INSR: variants seen among roughly 807,000 people sequenced by gnomAD.
The protein encoded by INSR is IR.
A neutral mutation model predicts 142.6 loss-of-function variants in INSR; 67 were observed. The observed-to-expected ratio is 0.47, with a 90% CI of 0.39 to 0.58. The LOEUF (loss-of-function observed/expected upper bound fraction) is 0.58, where lower values mean the gene tolerates loss of function less well. Among genes scored for constraint, INSR ranks in the 20% least tolerant of loss-of-function variants. The pLI is 0.00. For missense variants in INSR, 1,248 were observed against 1,833.2 expected (o/e 0.68, Z 5.83); for synonymous variants, 756 against 743.1 (o/e 1.02, Z -0.28).
intron 2 of INSR, among the ~76,000 whole-genome samples, chr19:7,190,369 GTTTTTTT>G (rs34757652): frequency 9.7e-6 from 1 of 102,714 alleles, no homozygotes; most frequent in Non-Finnish European, 2.0e-5. Flanking sequence ...TTCTTTGGTG[GTTTTTTT>G]TTTTTTTTTT....
chr19:7,194,228 G>A (rs541838436), intron 2 of INSR, among the ~76,000 whole-genome samples: 6 of 152,046 alleles, frequency 3.9e-5, no homozygotes, highest in Non-Finnish European at 8.8e-5. Context: ...AGACCAGCCT[G>A]GCCAACATGG....
intron 11 of INSR, among the ~76,000 whole-genome samples, chr19:7,144,190 T>A (rs1486237502): frequency 6.6e-6 from 1 of 152,212 alleles, no homozygotes; most frequent in Non-Finnish European, 1.5e-5. Context: ...GTAAACTTTG[T>A]CTACTTATTA....
intron 1 of INSR, among the ~76,000 whole-genome samples, chr19:7,271,367 G>A (rs1373823265): frequency 6.6e-6 from 1 of 152,100 alleles, no homozygotes; most frequent in Non-Finnish European, 1.5e-5. Flanking sequence ...GGGCGTGGTG[G>A]CAGGCGCATG....
At chr19:7,252,845 G>T (rs1976768978) in intron 2 of INSR, among the ~76,000 whole-genome samples, 1 of 152,166 alleles carries the variant, frequency 6.6e-6, no homozygotes, top group Non-Finnish European at 1.5e-5. Flanking sequence ...GCCAGGCGCG[G>T]TGGCTCACGC....
chr19:7,115,528 G>C lies in INSR; in HGVS notation c.*1528C>G, dbSNP rs1972302493. The C allele has an allele frequency of 6.6e-6, 1 of 152,164 alleles. No homozygotes were observed. The highest frequency in any genetic ancestry group is 2.1e-4 in the South Asian group (1 of 4,816). 9.4% of individuals were successfully genotyped at this position (152,164 alleles called of 1,614,324 possible). On this transcript the variant is annotated 3_prime_UTR_variant, in exon 22 of 22. Transcript: ENST00000302850. Reference sequence around the variant, plus strand: ...CGTCAGATGCTCTCAGGGTGGAGGGGACCAAGACGTACTCTCAGTGCACCT... The same window carrying C: ...CGTCAGATGCTCTCAGGGTGGAGGGCACCAAGACGTACTCTCAGTGCACCT...
intron 2 of INSR, among the ~76,000 whole-genome samples, chr19:7,217,435 A>T (rs1975468054): frequency 1.3e-5 from 2 of 152,170 alleles, no homozygotes. Context: ...GGTGACAGGG[A>T]TTACGATGTG....
chr19:7,126,558 AC>A, intron 16 of INSR, 25 bp downstream of exon 16: 1 of 1,546,340 alleles, frequency 6.5e-7, no homozygotes, highest in Non-Finnish European at 8.8e-7. Flanking sequence ...GGTTCTGGCC[AC>A]CCACAGGGAA....
intron 1 of INSR, among the ~76,000 whole-genome samples, chr19:7,278,544 G>A (rs1968122412): frequency 6.6e-6 from 1 of 152,200 alleles, no homozygotes; most frequent in Non-Finnish European, 1.5e-5. Context: ...GAGAAAACAG[G>A]ATACCACAGG....
intron 1 of INSR, among the ~76,000 whole-genome samples, chr19:7,282,951 C>T (rs919042095): frequency 3.7e-4 from 55 of 150,354 alleles, no homozygotes; most frequent in African/African-American, 8.8e-4. Context: ...CCAGCCTGGG[C>T]GACAGAGTGA....
Position 7,152,839 on chromosome 19 carries a change from G to A in INSR, c.2118C>T (p.Ala706=), listed in dbSNP as rs750857805. The A allele has an allele frequency of 1.2e-6, 2 of 1,613,420 alleles. No individual in the cohort carries two copies. The highest frequency in any genetic ancestry group is 1.7e-5 in the Admixed American group (1 of 59,970). ...TCTTTGGACAGGAGCAGCATTCGCC[G>A]GCCGAATCCTCATACTCACTCTGGT... ...KHNQSEYEDS[A]GECCSCPKTD... is the part of the protein sequence containing the mutation. The change falls in exon 10 of 22, where the codon GCC becomes GCT. Residue 706 remains alanine (A), a synonymous_variant. Coordinates refer to ENST00000302850, the MANE Select transcript of INSR (RefSeq NM_000208.4).
Position 7,132,069 on chromosome 19 carries a change from G to T in INSR, c.2842+89C>A, listed in dbSNP as rs546068630. ...AGAGTCAAGGCCAGGGCCAGCACCTGCGGCCTCTCCAAGTCATCCCCTGCA... is the reference window on the plus strand; with the variant it reads ...AGAGTCAAGGCCAGGGCCAGCACCTTCGGCCTCTCCAAGTCATCCCCTGCA... On this transcript the variant is annotated intron_variant, in intron 14 of 21. Transcript: ENST00000302850. 226 of 1,526,686 alleles carry T rather than the reference G, an allele frequency of 1.5e-4. No homozygotes were observed. The East Asian group carries it at 4.3e-3, about 29-fold the overall frequency. 94.6% of individuals were successfully genotyped at this position (1,526,686 alleles called of 1,614,324 possible).
intron 1 of INSR, among the ~76,000 whole-genome samples, chr19:7,293,031 T>C (rs1968538312): frequency 6.6e-6 from 1 of 152,172 alleles, no homozygotes; most frequent in Non-Finnish European, 1.5e-5. Flanking sequence ...AGCCTCAGTT[T>C]ACTCCTCTGT....
At chr19:7,141,649 G>A (rs766848322) in intron 13 of INSR, 28 bp downstream of exon 13, 5 of 1,613,748 alleles carry the variant, frequency 3.1e-6, no homozygotes, top group Non-Finnish European at 4.2e-6. Flanking sequence ...AAGTGTGCAG[G>A]GGCATGCCCA....
At chr19:7,215,649 C>A (rs1009689884) in intron 2 of INSR, among the ~76,000 whole-genome samples, 1 of 151,878 alleles carries the variant, frequency 6.6e-6, no homozygotes, top group Admixed American at 6.6e-5. Flanking sequence ...CTCACTGCAA[C>A]CTTCGCCTCC....
intron 2 of INSR, among the ~76,000 whole-genome samples, chr19:7,220,208 A>G (rs1292713394): frequency 1.3e-5 from 2 of 152,204 alleles, no homozygotes; most frequent in East Asian, 3.8e-4. Context: ...TGAGTAGGCA[A>G]ATCTGAATGC....
chr19:7,120,879 G>C, intron 19 of INSR, 130 bp from the exon 20 acceptor site: 1 of 1,117,908 alleles, frequency 8.9e-7, no homozygotes, highest in Non-Finnish European at 1.3e-6. Flanking sequence ...TCACCTGGGT[G>C]GTGGCCAAAT....
At position 7,218,881 on chromosome 19, in the gene INSR, G is replaced by A. The variant is rs533412825; in HGVS notation, c.653-34244C>T. 4.6e-5 allele frequency among the ~76,000 whole-genome samples: 7 copies of A among 152,168 alleles called. No homozygotes were observed. The South Asian group carries it at 8.3e-4, about 18-fold the overall frequency. On this transcript the variant is annotated intron_variant, in intron 2 of 21. Transcript: ENST00000302850. The stretch of plus-strand genomic sequence containing the variant: ...TGAGCAAAGATAATCTGAGGAAATC[G>A]TATGAGGAAGTATCACAGGGAAAAG...
chr19:7,141,538 G>T, intron 13 of INSR, 139 bp downstream of exon 13: 5 of 1,241,012 alleles, frequency 4.0e-6, no homozygotes, highest in Non-Finnish European at 5.7e-6. Flanking sequence ...AGGTATCAAG[G>T]CTTTAAGTAC....
In INSR at chr19:7,119,819, TACACACACAAACACACACACCCAA is replaced by T. The variant is rs1568426096; in HGVS notation, c.3660-260_3660-237del. Among the ~76,000 whole-genome samples the T allele has an allele frequency of 1.1e-4, 10 of 87,112 alleles. No homozygotes were observed. The highest frequency in any genetic ancestry group is 3.9e-4 in the Admixed American group (3 of 7,776). The allele number at this position is 87,112 out of a possible 152,430, so 57.1% of individuals were successfully genotyped here. A position where few individuals can be genotyped will look rare whatever the true frequency, so the allele number is the denominator to read the frequency against. ...AAATATGCAAACACACAAACACATA[TACACACACAAACACACACACCCAA>T]ACACACACACGCACACACATGCAAA... On this transcript the variant is annotated intron_variant, in intron 20 of 21. Transcript: ENST00000302850. The surrounding 1 kb of genome is among the most constrained non-coding windows in gnomAD (Gnocchi z 5.2).
Sources: allele counts gnomAD v4.1 joint callset (sites outside exome capture counted in the v4.1 genomes callset), GRCh38; gene constraint gnomAD v4.1.1; non-coding constraint Gnocchi (gnomAD v3.1); transcripts MANE v1.5; gene names NCBI Gene and HGNC (gene_info 2026-07-23, HGNC 2026-07-21).